TENT4B: variants seen among roughly 807,000 people sequenced by gnomAD.
The protein encoded by TENT4B is PAP associated domain containing 5.
Under a neutral mutation model 75.0 loss-of-function variants are expected in TENT4B, and 10 were observed. That is an observed-to-expected ratio of 0.13 (90% CI 0.08 to 0.23). The LOEUF is 0.23. Among genes scored for constraint, TENT4B ranks in the 10% least tolerant of loss-of-function variants. TENT4B has a pLI of 1.00. For synonymous variants in TENT4B, 350 were observed against 357.7 expected, an observed-to-expected ratio of 0.98 and a Z score of 0.24; for missense variants, 579 against 893.8, an observed-to-expected ratio of 0.65 and a Z score of 4.49.
At chr16:50,179,092 G>T (rs2038362332) in intron 1 of TENT4B, among the ~76,000 whole-genome samples, 1 of 152,186 alleles carries the variant, frequency 6.6e-6, no homozygotes, top group Non-Finnish European at 1.5e-5. Flanking sequence ...GCCGGGTGCG[G>T]TGGCTCACAC....
At chr16:50,214,152 T>C (rs897222721) in intron 2 of TENT4B, 69 bp from the exon 3 acceptor site, 25 of 1,224,208 alleles carry the variant, frequency 2.0e-5, no homozygotes, top group Non-Finnish European at 2.9e-5. Flanking sequence ...TTTCTCCATA[T>C]CTTGGTGACT....
In TENT4B at chr16:50,230,045, C is replaced by T. The variant is rs1452415690; in HGVS notation, c.*717C>T. ...AGCATTGAAATGACTTAATAGAACC[C>T]TTGTGTCCTGCTGCAAAAATTTTTC... On this transcript the variant is annotated 3_prime_UTR_variant, in exon 12 of 12. Transcript: ENST00000561678. 3.0e-6 allele frequency: 3 copies of T among 984,358 alleles called. No homozygotes were observed. The highest frequency in any genetic ancestry group is 3.6e-6 in the Non-Finnish European group (3 of 829,622). 61.0% of individuals were successfully genotyped at this position (984,358 alleles called of 1,614,324 possible).
intron 1 of TENT4B, among the ~76,000 whole-genome samples, chr16:50,171,193 G>T (rs1232132792): frequency 6.6e-6 from 1 of 152,110 alleles, no homozygotes; most frequent in African/African-American, 2.4e-5. Flanking sequence ...TTGAGCCCAG[G>T]AGTTTGAGAC....
At chr16:50,211,482 G>A (rs750668900) in intron 2 of TENT4B, 36 bp downstream of exon 2, 5 of 1,523,396 alleles carry the variant, frequency 3.3e-6, no homozygotes, top group Middle Eastern at 2.1e-4. Flanking sequence ...GCTTCGGACA[G>A]TCCTTGTCCA....
intron 1 of TENT4B, among the ~76,000 whole-genome samples, chr16:50,160,098 C>A (rs1432736903): frequency 6.6e-6 from 1 of 152,024 alleles, no homozygotes; most frequent in African/African-American, 2.4e-5. Context: ...GGGGTTTCGC[C>A]GTGTTGGCCA....
intron 1 of TENT4B, among the ~76,000 whole-genome samples, chr16:50,164,130 C>T (rs768519943): frequency 6.6e-6 from 1 of 151,822 alleles, no homozygotes; most frequent in Non-Finnish European, 1.5e-5. Context: ...GCACTCCATC[C>T]TGGGCAGCAA....
chr16:50,203,941 G>T (rs1413117000), intron 1 of TENT4B, among the ~76,000 whole-genome samples: 1 of 152,206 alleles, frequency 6.6e-6, no homozygotes, highest in Non-Finnish European at 1.5e-5. Context: ...CCCCCAGGAG[G>T]CTCTGAAGTC....
chr16:50,186,294 C>T (rs945324637), intron 1 of TENT4B, among the ~76,000 whole-genome samples: 1 of 151,828 alleles, frequency 6.6e-6, no homozygotes, highest in Non-Finnish European at 1.5e-5. Context: ...TGGAATCCTA[C>T]ATATTTGTCG....
rs749859340 is a variant in TENT4B, at chr16:50,234,566, G to A, written c.*5238G>A. ...GCAATTTATTATAATATGTTGTTTT[G>A]TCCCTGAACTTAATCTCCTAATTTT... On this transcript the variant is annotated 3_prime_UTR_variant, in exon 12 of 12. Coordinates refer to ENST00000561678, the MANE Select transcript of TENT4B (RefSeq NM_001365324.3). 23 of 982,002 alleles carry A rather than the reference G, an allele frequency of 2.3e-5. No individual in the cohort carries two copies. Among genetic ancestry groups the A allele is most frequent in the Non-Finnish European group, 2.8e-5 (23 of 826,930 alleles). The allele number at this position is 982,002 out of a possible 1,614,324, so 60.8% of individuals were successfully genotyped here.
rs2032356302 is a variant in TENT4B, at chr16:50,233,495, G to A, written c.*4167G>A. 3 of 984,684 alleles carry A rather than the reference G, an allele frequency of 3.0e-6. No homozygotes were observed. The highest frequency in any genetic ancestry group is 9.4e-5 in the South Asian group (2 of 21,276). The allele number at this position is 984,684 out of a possible 1,614,324, so 61.0% of individuals were successfully genotyped here. On this transcript the variant is annotated 3_prime_UTR_variant, in exon 12 of 12. Coordinates refer to ENST00000561678, the MANE Select transcript of TENT4B (RefSeq NM_001365324.3). Reference sequence around the variant, plus strand: ...GCCATCTTGACTTCACACCCTTAGCGACTTTTCTTTTTTTTTTGGTCAAAG... The same window carrying A: ...GCCATCTTGACTTCACACCCTTAGCAACTTTTCTTTTTTTTTTGGTCAAAG...
At chr16:50,178,192 T>C (rs1386928880) in intron 1 of TENT4B, among the ~76,000 whole-genome samples, 3 of 151,134 alleles carry the variant, frequency 2.0e-5, no homozygotes, top group African/African-American at 7.3e-5. Context: ...TGCAGTGGCT[T>C]ATGCCTGTAC....
At chr16:50,169,301 C>G (rs1305770443) in intron 1 of TENT4B, among the ~76,000 whole-genome samples, 1 of 150,052 alleles carries the variant, frequency 6.7e-6, no homozygotes, top group Non-Finnish European at 1.5e-5. Context: ...TTATATTCCT[C>G]TGGTATCAGT....
chr16:50,228,137 T>G, intron 11 of TENT4B, 134 bp downstream of exon 11: 2 of 1,122,856 alleles, frequency 1.8e-6, no homozygotes, highest in Non-Finnish European at 2.5e-6. Flanking sequence ...TTCTAAGAGG[T>G]TCCAACACAT....
In TENT4B at chr16:50,229,971, A is replaced by G. The variant is rs887271439; in HGVS notation, c.*643A>G. On this transcript the variant is annotated 3_prime_UTR_variant, in exon 12 of 12. Coordinates refer to ENST00000561678, the MANE Select transcript of TENT4B (RefSeq NM_001365324.3). ...AAATAATCTAAATTGTCATCTTAAC[A>G]TCCATATATAGGGAAGTGATTAGTT... 2 of 951,244 alleles carry G rather than the reference A, an allele frequency of 2.1e-6. No individual in the cohort carries two copies. Among genetic ancestry groups the G allele is most frequent in the African/African-American group, 3.5e-5 (2 of 56,394 alleles). 58.9% of individuals were successfully genotyped at this position (951,244 alleles called of 1,614,324 possible).
At chr16:50,206,074 A>G (rs1356315442) in intron 1 of TENT4B, among the ~76,000 whole-genome samples, 1 of 152,130 alleles carries the variant, frequency 6.6e-6, no homozygotes, top group Non-Finnish European at 1.5e-5. Flanking sequence ...GATCCTGTTG[A>G]TGGACATTGA....
At chr16:50,205,645 C>T (rs1241885489) in intron 1 of TENT4B, among the ~76,000 whole-genome samples, 1 of 117,350 alleles carries the variant, frequency 8.5e-6, no homozygotes, top group Non-Finnish European at 1.6e-5. Flanking sequence ...GGCTGGAGTG[C>T]AGTGGCATGA....
chr16:50,206,321 C>T (rs948384549), intron 1 of TENT4B, among the ~76,000 whole-genome samples: 1 of 147,364 alleles, frequency 6.8e-6, no homozygotes, highest in African/African-American at 2.5e-5. Context: ...AATTGGATAT[C>T]ATGAACCTTA....
intron 1 of TENT4B, among the ~76,000 whole-genome samples, chr16:50,203,641 C>G (rs1038990981): frequency 2.0e-5 from 3 of 151,884 alleles, no homozygotes; most frequent in African/African-American, 7.3e-5. Context: ...AATTGTCCTC[C>G]TTCTGGTTTT....
chr16:50,200,503 CA>C (rs2030567687), intron 1 of TENT4B, among the ~76,000 whole-genome samples: 2 of 152,108 alleles, frequency 1.3e-5, no homozygotes, highest in Non-Finnish European at 2.9e-5. Context: ...TTCCTACCAG[CA>C]ATGAATGAGA....
Sources: gnomAD v4.1 joint callset for allele counts (sites outside exome capture counted in the v4.1 genomes callset) on GRCh38, gnomAD v4.1.1 for gene constraint, MANE v1.5 for transcripts, NCBI Gene and HGNC (gene_info 2026-07-23, HGNC 2026-07-21) for gene names.